The following ERI3 variants were observed in gnomAD, a reference collection of about 807,000 sequenced individuals.
The protein encoded by ERI3 is ERI1 exoribonuclease family member 3.
A neutral mutation model predicts 44.4 loss-of-function variants in ERI3; 18 were observed. The observed-to-expected ratio is 0.41, with a 90% CI of 0.28 to 0.60. The LOEUF (loss-of-function observed/expected upper bound fraction) is 0.60. ERI3 is among the 20% of genes least tolerant of loss of function. The pLI is 0.36. For missense variants in ERI3, 294 were observed against 435.5 expected (o/e 0.68, Z 2.89); for synonymous variants, 183 against 164.8 (o/e 1.11, Z -0.84).
intron 8 of ERI3, among the ~76,000 whole-genome samples, chr1:44,232,432 A>C (rs1644207072): frequency 6.6e-6 from 1 of 152,216 alleles, no homozygotes; most frequent in Non-Finnish European, 1.5e-5. Context: ...GAAAACAGAG[A>C]GGGAAGAAAT....
intron 7 of ERI3, among the ~76,000 whole-genome samples, chr1:44,248,700 A>T (rs903886776): frequency 1.9e-4 from 20 of 106,500 alleles, no homozygotes; most frequent in Non-Finnish European, 2.3e-4. Context: ...TGTGTGAGAG[A>T]GAGTGTGTGT....
intron 7 of ERI3, among the ~76,000 whole-genome samples, chr1:44,270,985 T>C (rs1295898840): frequency 6.6e-6 from 1 of 152,206 alleles, no homozygotes; most frequent in Non-Finnish European, 1.5e-5. Flanking sequence ...CATAAGGATA[T>C]AGAGGTCTTC....
At chr1:44,259,013 G>C (rs1396696916) in intron 7 of ERI3, among the ~76,000 whole-genome samples, 1 of 152,102 alleles carries the variant, frequency 6.6e-6, no homozygotes, top group African/African-American at 2.4e-5. Context: ...GAGAGTGCAC[G>C]CTTTGGAATC....
In ERI3 at chr1:44,286,018, A is replaced by C. The variant is rs113277114; in HGVS notation, c.759-1111T>G. Among the ~76,000 whole-genome samples the C allele has an allele frequency of 7.2e-5, 11 of 152,336 alleles. 1 individual carries two copies. The highest frequency in any genetic ancestry group is 2.6e-4 in the African/African-American group (11 of 41,574). ...AATGGTGATCAAGGAACAAACATTAAGATGTAAAGGAGGCCCCAGTGACTA... is the reference window on the plus strand; with the variant it reads ...AATGGTGATCAAGGAACAAACATTACGATGTAAAGGAGGCCCCAGTGACTA... On this transcript the variant is annotated intron_variant, in intron 6 of 8. Transcript: ENST00000372257.
chr1:44,306,238 C>T (rs1645829941), intron 6 of ERI3, among the ~76,000 whole-genome samples: 1 of 152,244 alleles, frequency 6.6e-6, no homozygotes, highest in South Asian at 2.1e-4. Context: ...CAAACCCAAA[C>T]CAGCCCACAA....
rs915914458 is a variant in ERI3 at position 44,311,954 on chromosome 1, T to C, written c.666+1215A>G. Among the ~76,000 whole-genome samples, 3 of 152,108 alleles carry C rather than the reference T, an allele frequency of 2.0e-5. No individual in the cohort carries two copies. The East Asian group carries it at 5.8e-4, about 29-fold the overall frequency. On this transcript the variant is annotated intron_variant, in intron 5 of 8. Transcript: ENST00000372257. Reference sequence around the variant, plus strand: ...GGGAAGCATCTCAGAGCTCATCTTATCTTCTCCCAATCTACCGCAGGTGCC... The same window carrying C: ...GGGAAGCATCTCAGAGCTCATCTTACCTTCTCCCAATCTACCGCAGGTGCC...
chr1:44,261,447 TCA>T (rs1416786506), intron 7 of ERI3, among the ~76,000 whole-genome samples: 1 of 152,136 alleles, frequency 6.6e-6, no homozygotes, highest in Non-Finnish European at 1.5e-5. Flanking sequence ...CTTTCAACCT[TCA>T]CAGTGTGATA....
rs1316572339 is a variant in ERI3 at position 44,221,877 on chromosome 1, G to A, written c.932-237C>T. The stretch of plus-strand genomic sequence containing the variant: ...AGTTCCATAATTCATGCTGGAAATT[G>A]GCCGGCATGTCCCGCCCCAGCCCCA... On this transcript the variant is annotated intron_variant, in intron 8 of 8. Transcript: ENST00000372257. The surrounding 1 kb of genome is among the most constrained non-coding windows in gnomAD (Gnocchi z 5.9). Among the ~76,000 whole-genome samples the A allele has an allele frequency of 6.6e-6, 1 of 152,178 alleles. No individual in the cohort carries two copies. Among genetic ancestry groups the A allele is most frequent in the Non-Finnish European group, 1.5e-5 (1 of 68,036 alleles).
chr1:44,339,706 C>T (rs1311530988), intron 2 of ERI3, among the ~76,000 whole-genome samples: 2 of 152,150 alleles, frequency 1.3e-5, no homozygotes, highest in South Asian at 2.1e-4. Flanking sequence ...TCCAAAGTAA[C>T]GTGAGGTGAC....
At chr1:44,336,858 G>T (rs1646545515) in intron 3 of ERI3, among the ~76,000 whole-genome samples, 1 of 152,308 alleles carries the variant, frequency 6.6e-6, no homozygotes, top group East Asian at 1.9e-4. Flanking sequence ...AGGGTTCATT[G>T]ATTCTGGAGA....
intron 7 of ERI3, among the ~76,000 whole-genome samples, chr1:44,259,108 C>T (rs1222119751): frequency 6.6e-6 from 1 of 152,232 alleles, no homozygotes; most frequent in East Asian, 1.9e-4. Context: ...GAGCACAACA[C>T]TGTCCTCAGA....
chr1:44,339,367 A>AT, intron 2 of ERI3, 45 bp from the exon 3 acceptor site: 7 of 1,417,266 alleles, frequency 4.9e-6, no homozygotes, highest in Non-Finnish European at 5.6e-6. Flanking sequence ...AAGAAAAGAA[A>AT]GAAAAAAAAA....
intron 7 of ERI3, among the ~76,000 whole-genome samples, chr1:44,257,662 C>T (rs1267103844): frequency 6.6e-6 from 1 of 152,158 alleles, no homozygotes; most frequent in Non-Finnish European, 1.5e-5. Flanking sequence ...GGGTGAGTTT[C>T]TCCCTCATGG....
At chr1:44,266,021 T>C (rs138823419) in intron 7 of ERI3, among the ~76,000 whole-genome samples, 5 of 152,324 alleles carry the variant, frequency 3.3e-5, no homozygotes, top group African/African-American at 1.2e-4. Flanking sequence ...GTATGGTATA[T>C]AAATTATATC....
chr1:44,310,414 TACTC>T (rs1257998894), intron 5 of ERI3, among the ~76,000 whole-genome samples: 1 of 152,218 alleles, frequency 6.6e-6, no homozygotes, highest in Non-Finnish European at 1.5e-5. Flanking sequence ...AACTCTGTCT[TACTC>T]ACTGCCTTAA....
At chr1:44,281,624 T>C (rs944257149) in intron 7 of ERI3, among the ~76,000 whole-genome samples, 4 of 144,724 alleles carry the variant, frequency 2.8e-5, no homozygotes, top group Non-Finnish European at 4.5e-5. Flanking sequence ...ATATATAATA[T>C]ATATATTCAT....
At chr1:44,234,301 G>A (rs924410949) in intron 8 of ERI3, among the ~76,000 whole-genome samples, 6 of 152,080 alleles carry the variant, frequency 3.9e-5, no homozygotes, top group Non-Finnish European at 7.4e-5. Flanking sequence ...TCTAGGTAAC[G>A]GCAGTGCCCC....
intron 7 of ERI3, among the ~76,000 whole-genome samples, chr1:44,269,869 T>C (rs1439081544): frequency 1.3e-5 from 2 of 152,200 alleles, no homozygotes; most frequent in African/African-American, 4.8e-5. Flanking sequence ...ATAGGGACAA[T>C]AGCCCTCACA....
chr1:44,252,826 C>T lies in ERI3; in HGVS notation c.832-4788G>A, dbSNP rs1416893579. 2.0e-5 allele frequency among the ~76,000 whole-genome samples: 3 copies of T among 152,198 alleles called. No homozygotes were observed. Among genetic ancestry groups the T allele is most frequent in the Admixed American group, 2.0e-4 (3 of 15,286 alleles). ...CACAGTGGGAAGGGCTGTGGTTGGGCTAAATGGCTAGAACCCAGCTCAGGC... is the reference window on the plus strand; with the variant it reads ...CACAGTGGGAAGGGCTGTGGTTGGGTTAAATGGCTAGAACCCAGCTCAGGC... On this transcript the variant is annotated intron_variant, in intron 7 of 8. Coordinates refer to ENST00000372257, the MANE Select transcript of ERI3 (RefSeq NM_024066.3). This position sits in a 1 kb window ranked among gnomAD's most constrained non-coding sequence, Gnocchi z 4.7.
Sources: gnomAD v4.1 joint callset for allele counts (sites outside exome capture counted in the v4.1 genomes callset) on GRCh38, gnomAD v4.1.1 for gene constraint, Gnocchi (gnomAD v3.1) non-coding constraint, MANE v1.5 for transcripts, NCBI Gene and HGNC (gene_info 2026-07-23, HGNC 2026-07-21) for gene names.